Variants in MAGI2 observed in about 807,000 individuals in gnomAD.
MAGI2 encodes membrane associated guanylate kinase, WW and PDZ domain containing 2.
Under a neutral mutation model 133.3 loss-of-function variants are expected in MAGI2, and 35 were observed. The ratio of observed to expected loss-of-function variants is 0.26; its 90% confidence interval spans 0.20 to 0.35. MAGI2 has a LOEUF of 0.35. Among genes scored for constraint, MAGI2 ranks in the 10% least tolerant of loss-of-function variants. MAGI2 has a pLI of 1.00. For synonymous variants in MAGI2, 729 were observed against 710.6 expected (o/e 1.03, Z -0.41); for missense variants, 1,636 against 1,863.4 (o/e 0.88, Z 2.25).
chr7:79,396,125 A>G (rs1845036012), intron 1 of MAGI2, among the ~76,000 whole-genome samples: 1 of 151,836 alleles, frequency 6.6e-6, no homozygotes, highest in Non-Finnish European at 1.5e-5. Flanking sequence ...TTCACCAAAG[A>G]TCTATTTTTT....
At chr7:79,017,624 A>C (rs1204083435) in intron 1 of MAGI2, among the ~76,000 whole-genome samples, 1 of 152,218 alleles carries the variant, frequency 6.6e-6, no homozygotes, top group Non-Finnish European at 1.5e-5. Flanking sequence ...CAGAATATAG[A>C]TAGGAATGAA....
chr7:79,077,588 A>AT lies in MAGI2; in HGVS notation c.302-70383_302-70382insA, dbSNP rs1477084899. ...AGACTGCCTCTCAAAAAAAAAAAAA[A>AT]AAAAAAATAAATAAATAAATAAATT... On this transcript the variant is annotated intron_variant, in intron 1 of 21. Coordinates refer to ENST00000354212, the MANE Select transcript of MAGI2 (RefSeq NM_012301.4). Among the ~76,000 whole-genome samples the AT allele has an allele frequency of 1.4e-3, 192 of 135,460 alleles. 9 individuals are homozygous for AT. The highest frequency in any genetic ancestry group is 6.8e-3 in the South Asian group (29 of 4,246). The allele number at this position is 135,460 out of a possible 152,430, so 88.9% of individuals were successfully genotyped here.
chr7:79,085,433 A>T (rs1162762704), intron 1 of MAGI2, among the ~76,000 whole-genome samples: 2 of 151,680 alleles, frequency 1.3e-5, no homozygotes, highest in African/African-American at 4.8e-5. Flanking sequence ...CTTTGGACAT[A>T]TTTATAACAG....
intron 3 of MAGI2, chr7:78,615,640 C>T (rs1192465674): frequency 1.3e-5 from 2 of 152,196 alleles, no homozygotes; most frequent in Non-Finnish European, 2.9e-5. Flanking sequence ...AATACATGCC[C>T]CTTGTTTACA....
chr7:78,735,074 T>C (rs1277088081), intron 2 of MAGI2, among the ~76,000 whole-genome samples: 1 of 152,184 alleles, frequency 6.6e-6, no homozygotes, highest in Non-Finnish European at 1.5e-5. Flanking sequence ...AAATCTACAA[T>C]ACATGAAACA....
chr7:78,461,916 C>CAAAAAAAAAAAAAAAAAA (rs55811983), intron 6 of MAGI2, among the ~76,000 whole-genome samples: 3 of 30,536 alleles, frequency 9.8e-5, no homozygotes, highest in East Asian at 1.1e-3. Context: ...AATTCCGTCT[C>CAAAAAAAAAAAAAAAAAA]AAAAAAAAAA....
chr7:78,447,239 G>A (rs114988953), intron 6 of MAGI2, among the ~76,000 whole-genome samples: 1 of 151,870 alleles, frequency 6.6e-6, no homozygotes, highest in East Asian at 1.9e-4. Context: ...ATGGAGTACA[G>A]TGCAATGTTT....
chr7:78,823,993 C>T (rs1790402958), intron 2 of MAGI2, among the ~76,000 whole-genome samples: 2 of 152,156 alleles, frequency 1.3e-5, no homozygotes, highest in Middle Eastern at 3.4e-3. Flanking sequence ...TGAAATTTCT[C>T]AGATTAGTCT....
At chr7:78,693,220 A>T (rs570671309) in intron 2 of MAGI2, among the ~76,000 whole-genome samples, 1 of 152,292 alleles carries the variant, frequency 6.6e-6, no homozygotes, top group South Asian at 2.1e-4. Flanking sequence ...ATGGAGAAAA[A>T]TGCCTGTCAC....
At chr7:78,852,164 A>G (rs1296623769) in intron 2 of MAGI2, among the ~76,000 whole-genome samples, 1 of 152,046 alleles carries the variant, frequency 6.6e-6, no homozygotes, top group African/African-American at 2.4e-5. Context: ...TTACTAATGC[A>G]TTTGAGCATT....
chr7:78,094,873 A>G (rs2151227097), intron 20 of MAGI2, among the ~76,000 whole-genome samples: 1 of 152,284 alleles, frequency 6.6e-6, no homozygotes, highest in Admixed American at 6.5e-5. Flanking sequence ...CTCATTGCAT[A>G]CTAGGCTGAA....
At chr7:78,743,024 C>A (rs1486854513) in intron 2 of MAGI2, among the ~76,000 whole-genome samples, 1 of 152,198 alleles carries the variant, frequency 6.6e-6, no homozygotes, top group Non-Finnish European at 1.5e-5. Flanking sequence ...TCAGTGGGAC[C>A]ACAACTGTGT....
chr7:79,193,263 T>G (rs1325206940), intron 1 of MAGI2, among the ~76,000 whole-genome samples: 2 of 152,006 alleles, frequency 1.3e-5, no homozygotes, highest in Non-Finnish European at 2.9e-5. Context: ...TAGTAGCCAA[T>G]CGCTTATGCG....
intron 1 of MAGI2, among the ~76,000 whole-genome samples, chr7:79,235,330 A>T (rs1831806598): frequency 6.6e-6 from 1 of 152,102 alleles, no homozygotes; most frequent in African/African-American, 2.4e-5. Flanking sequence ...ACCCAGTTCG[A>T]GCTTCCCGGC....
chr7:78,310,392 G>A (rs1308444799), intron 9 of MAGI2, among the ~76,000 whole-genome samples: 1 of 151,780 alleles, frequency 6.6e-6, no homozygotes, highest in Non-Finnish European at 1.5e-5. Context: ...CTGAGATCAC[G>A]TCACTGCACT....
At chr7:79,431,801 G>A (rs776471245) in intron 1 of MAGI2, among the ~76,000 whole-genome samples, 4 of 152,120 alleles carry the variant, frequency 2.6e-5, no homozygotes, top group Non-Finnish European at 5.9e-5. Context: ...CCTATCTAGG[G>A]AATTGGTTCA....
intron 2 of MAGI2, among the ~76,000 whole-genome samples, chr7:78,980,011 C>A (rs1443612922): frequency 2.6e-5 from 4 of 151,838 alleles, no homozygotes; most frequent in Admixed American, 1.3e-4. Flanking sequence ...ATGAAGGTAT[C>A]TGGATTTGTA....
rs999371811 is a variant in MAGI2 at position 78,672,939 on chromosome 7, T to C, written c.419-45700A>G. ...GGGGGTTGCAACAAACTTTCATCAA[T>C]GGCTTTTATCATGCTTAGCCTATAA... On this transcript the variant is annotated intron_variant, in intron 2 of 21. Coordinates refer to ENST00000354212, the MANE Select transcript of MAGI2 (RefSeq NM_012301.4). Among the ~76,000 whole-genome samples, 12 of 152,204 alleles carry C rather than the reference T, an allele frequency of 7.9e-5. No individual in the cohort carries two copies. In the East Asian group the frequency reaches 2.1e-3, roughly 27 times the overall value.
intron 20 of MAGI2, among the ~76,000 whole-genome samples, chr7:78,095,593 G>A (rs1817622550): frequency 6.6e-6 from 1 of 152,228 alleles, no homozygotes; most frequent in Non-Finnish European, 1.5e-5. Flanking sequence ...CTCCCATGGA[G>A]TAGAGGGCAA....
Sources: allele counts gnomAD v4.1 joint callset (sites outside exome capture counted in the v4.1 genomes callset), GRCh38; gene constraint gnomAD v4.1.1; transcripts MANE v1.5; gene names NCBI Gene and HGNC (gene_info 2026-07-23, HGNC 2026-07-21).